Variants in SLIT3 observed in about 807,000 individuals in gnomAD.
SLIT3 encodes slit guidance ligand 3.
SLIT3 carries 68 observed loss-of-function variants against 184.0 expected under a neutral mutation model. That is an observed-to-expected ratio of 0.37 (90% CI 0.30 to 0.45). The LOEUF is 0.45. Among genes scored for constraint, SLIT3 ranks in the 20% least tolerant of loss-of-function variants. The probability of loss-of-function intolerance (pLI) is 1.00; values close to 1 mark genes in which losing one functional copy is unlikely to be tolerated. For missense variants in SLIT3, 1,707 were observed against 2,026.0 expected (o/e 0.84, Z 3.02); for synonymous variants, 831 against 828.6 (o/e 1.00, Z -0.05).
intron 4 of SLIT3, among the ~76,000 whole-genome samples, chr5:169,133,632 G>T (rs1761387384): frequency 6.6e-6 from 1 of 152,158 alleles, no homozygotes; most frequent in African/African-American, 2.4e-5. Context: ...AGAATGAGAG[G>T]GTGAGAATGA....
chr5:168,965,533 G>C (rs1413563400), intron 4 of SLIT3, among the ~76,000 whole-genome samples: 1 of 152,142 alleles, frequency 6.6e-6, no homozygotes, highest in African/African-American at 2.4e-5. Context: ...CCAATATTAA[G>C]TTAGTTTAGG....
At chr5:168,965,492 A>G (rs59871139) in intron 4 of SLIT3, among the ~76,000 whole-genome samples, 6,076 of 152,286 alleles carry the variant, frequency 0.04, 157 homozygotes, top group Middle Eastern at 0.065. Flanking sequence ...TAGCCCCAAA[A>G]TACATCTTTG....
Position 168,692,780 on chromosome 5 carries a change from A to G in SLIT3, c.3083-80T>C, listed in dbSNP as rs563176966. 9.3e-5 allele frequency: 94 copies of G among 1,009,834 alleles called. 1 individual carries two copies. In the South Asian group the frequency reaches 1.3e-3, roughly 14 times the overall value. 62.6% of individuals were successfully genotyped at this position (1,009,834 alleles called of 1,614,324 possible). A position where few individuals can be genotyped will look rare whatever the true frequency, so the allele number is the denominator to read the frequency against. ...CCAGAAGATCAGAGTACTAGGGGGGATATCCTGGCCAGAAGATCAGACTCA... is the reference window on the plus strand; with the variant it reads ...CCAGAAGATCAGAGTACTAGGGGGGGTATCCTGGCCAGAAGATCAGACTCA... On this transcript the variant is annotated intron_variant, in intron 28 of 35. Transcript: ENST00000519560.
At chr5:169,140,518 C>T (rs983266215) in intron 4 of SLIT3, among the ~76,000 whole-genome samples, 9 of 142,250 alleles carry the variant, frequency 6.3e-5, no homozygotes, top group East Asian at 2.1e-4. Context: ...AAGACGCAGG[C>T]GGTCAGGCAC....
chr5:168,748,132 G>A (rs1754554171), intron 20 of SLIT3, among the ~76,000 whole-genome samples, 170 bp downstream of exon 20: 1 of 152,160 alleles, frequency 6.6e-6, no homozygotes, highest in African/African-American at 2.4e-5. Flanking sequence ...CAAAGCCCAT[G>A]GCTGCCATCT....
intron 4 of SLIT3, among the ~76,000 whole-genome samples, chr5:168,970,505 A>AC (rs1754535360): frequency 6.6e-6 from 1 of 151,618 alleles, no homozygotes; most frequent in African/African-American, 2.4e-5. Flanking sequence ...CAAATAAAAA[A>AC]AAAAAAAAAA....
intron 4 of SLIT3, among the ~76,000 whole-genome samples, chr5:168,894,010 G>C (rs1760568768): frequency 6.6e-6 from 1 of 152,184 alleles, no homozygotes; most frequent in South Asian, 2.1e-4. Flanking sequence ...AAGGAGGGGA[G>C]TGAGGCTGAT....
intron 4 of SLIT3, among the ~76,000 whole-genome samples, chr5:169,066,942 G>GAAAAAAAAAAAAAAAA (rs60977256): frequency 1.2e-5 from 1 of 80,442 alleles, no homozygotes. Flanking sequence ...TCCCTTTCCT[G>GAAAAAAAAAAAAAAAA]AAAAAAAAAA....
chr5:168,672,488 G>T (rs1258660225), intron 33 of SLIT3, among the ~76,000 whole-genome samples: 1 of 152,098 alleles, frequency 6.6e-6, no homozygotes, highest in Non-Finnish European at 1.5e-5. Flanking sequence ...TTTTGTTGTT[G>T]TTTTAAAGAC....
chr5:169,059,309 G>C (rs562423602), intron 4 of SLIT3, among the ~76,000 whole-genome samples: 20 of 152,124 alleles, frequency 1.3e-4, no homozygotes, highest in Admixed American at 1.2e-3. Context: ...GGAGCTCACC[G>C]TTCACACATA....
intron 5 of SLIT3, 87 bp from the exon 6 acceptor site, chr5:168,844,742 C>A: frequency 8.2e-7 from 1 of 1,220,154 alleles, no homozygotes; most frequent in South Asian, 1.2e-5. Context: ...CCTGTCCCTC[C>A]ACCCCCTTGC....
At chr5:169,112,383 G>A (rs755633935) in intron 4 of SLIT3, among the ~76,000 whole-genome samples, 4 of 152,270 alleles carry the variant, frequency 2.6e-5, no homozygotes, top group South Asian at 2.1e-4. Flanking sequence ...TCTTGGGTAC[G>A]TTCCTTAATT....
At chr5:168,938,793 G>A (rs1975147) in intron 4 of SLIT3, among the ~76,000 whole-genome samples, 15,555 of 152,028 alleles carry the variant, frequency 0.1, 898 homozygotes, top group South Asian at 0.24. Context: ...ACCGTGCCTG[G>A]CTAATTTTTG....
At chr5:169,080,024 T>C (rs1299930726) in intron 4 of SLIT3, among the ~76,000 whole-genome samples, 2 of 151,706 alleles carry the variant, frequency 1.3e-5, no homozygotes, top group Admixed American at 6.6e-5. Context: ...TAAGGGGGGC[T>C]ACTGCAACGG....
intron 3 of SLIT3, among the ~76,000 whole-genome samples, chr5:169,209,258 T>C (rs1325843929): frequency 6.6e-6 from 1 of 152,154 alleles, no homozygotes; most frequent in Non-Finnish European, 1.5e-5. Context: ...TGAGATACCA[T>C]CTCACATCAC....
At position 168,841,528 on chromosome 5, in the gene SLIT3, G is replaced by A. The variant is rs375366944; in HGVS notation, c.557+3056C>T. 9.9e-5 allele frequency among the ~76,000 whole-genome samples: 15 copies of A among 152,258 alleles called. No homozygotes were observed. The East Asian group carries it at 2.9e-3, about 29-fold the overall frequency. ...CTCTGCACTGGACATCCCCCATCGG[G>A]AATGAGTCAAAAATGAGGTTGAAGT... On this transcript the variant is annotated intron_variant, in intron 6 of 35. Transcript: ENST00000519560.
chr5:168,933,892 G>A (rs898147549), intron 4 of SLIT3, among the ~76,000 whole-genome samples: 4 of 152,076 alleles, frequency 2.6e-5, no homozygotes, highest in Admixed American at 2.0e-4. Flanking sequence ...AGGGCTGAGT[G>A]GCCTGTGGAA....
intron 9 of SLIT3, among the ~76,000 whole-genome samples, chr5:168,803,424 G>A (rs1756838580): frequency 6.6e-6 from 1 of 152,236 alleles, no homozygotes. Context: ...GTTCTAGCTT[G>A]TCAATGTTGC....
At chr5:168,795,024 T>C (rs1756518325) in intron 10 of SLIT3, among the ~76,000 whole-genome samples, 1 of 152,230 alleles carries the variant, frequency 6.6e-6, no homozygotes. Context: ...GCAGACTTGG[T>C]TTCTGTTCAC....
Sources: gnomAD v4.1 joint callset for allele counts (sites outside exome capture counted in the v4.1 genomes callset) on GRCh38, gnomAD v4.1.1 for gene constraint, MANE v1.5 for transcripts, NCBI Gene and HGNC (gene_info 2026-07-23, HGNC 2026-07-21) for gene names.